The following DOCK7 variants were observed in gnomAD, a reference collection of about 807,000 sequenced individuals.
DOCK7 encodes dedicator of cytokinesis protein 7.
Under a neutral mutation model 271.0 loss-of-function variants are expected in DOCK7, and 138 were observed. The observed-to-expected ratio is 0.51, with a 90% CI of 0.44 to 0.59. The LOEUF is 0.59. Among genes scored for constraint, DOCK7 ranks in the 20% least tolerant of loss-of-function variants. The probability of loss-of-function intolerance (pLI) is 0.00; values close to 1 mark genes in which losing one functional copy is unlikely to be tolerated. For synonymous variants in DOCK7, 823 were observed against 876.1 expected (o/e 0.94, Z 1.07); for missense variants, 2,066 against 2,592.4 (o/e 0.80, Z 4.41).
In DOCK7 at chr1:62,528,187, T is replaced by C. The variant is rs956189940; in HGVS notation, c.3900A>G (p.Gln1300=). Residue 1300 remains glutamine (Q), a synonymous_variant, in exon 31 of 50, where the codon CAA becomes CAG. Coordinates refer to ENST00000635253, the MANE Select transcript of DOCK7 (RefSeq NM_001367561.1). The stretch of plus-strand genomic sequence containing the variant: ...GGAGGAAACTGCCAGGCCTTGTTAG[T>C]TGAGGGACCGATGTCCCTGCGATTG... ...AMAIAGTSVP[Q]LTRPGSFLLT... is the part of the protein sequence containing the mutation. The C allele has an allele frequency of 1.2e-6, 2 of 1,613,652 alleles. No homozygotes were observed. Among genetic ancestry groups the C allele is most frequent in the Non-Finnish European group, 1.7e-6 (2 of 1,179,760 alleles).
In DOCK7 at chr1:62,662,092, C is replaced by T. The variant is rs540881773; in HGVS notation, c.144+933G>A. Among the ~76,000 whole-genome samples, 37 of 152,282 alleles carry T rather than the reference C, an allele frequency of 2.4e-4. No homozygotes were observed. The South Asian group carries it at 7.2e-3, about 30-fold the overall frequency. On this transcript the variant is annotated intron_variant, in intron 2 of 49. Transcript: ENST00000635253. ...TTATTTCCCAGTTTGTTCAATAACA[C>T]GTACCCTTTCACAGCTAAATGGAAA...
chr1:62,600,991 G>A, intron 14 of DOCK7: 1 of 790,358 alleles, frequency 1.3e-6, no homozygotes, highest in African/African-American at 1.7e-5. Flanking sequence ...TGAACTGAAA[G>A]ACAAACTGTA....
intron 18 of DOCK7, among the ~76,000 whole-genome samples, chr1:62,564,736 C>A (rs1161152662): frequency 1.3e-5 from 2 of 152,110 alleles, no homozygotes; most frequent in Admixed American, 6.6e-5. Context: ...TCATGAAAAA[C>A]CCTTCAAAAA....
At chr1:62,498,112 T>C (rs1646675492) in intron 37 of DOCK7, among the ~76,000 whole-genome samples, 1 of 151,768 alleles carries the variant, frequency 6.6e-6, no homozygotes, top group Non-Finnish European at 1.5e-5. Flanking sequence ...GATGTAGTGG[T>C]ACATGCGTGT....
At chr1:62,469,788 C>T (rs1571204124) in intron 48 of DOCK7, among the ~76,000 whole-genome samples, 1 of 151,680 alleles carries the variant, frequency 6.6e-6, no homozygotes, top group Non-Finnish European at 1.5e-5. Flanking sequence ...AGAAGACATA[C>T]AAATGGCCAA....
chr1:62,483,191 T>G (rs1337348353), intron 43 of DOCK7: 1 of 83,306 alleles, frequency 1.2e-5, no homozygotes, highest in African/African-American at 5.4e-5. Context: ...TTTTTTTTTT[T>G]TTTTTTTTTT....
Position 62,631,369 on chromosome 1 carries a change from C to T in DOCK7, c.1153G>A (p.Asp385Asn), listed in dbSNP as rs1654605570. Residue 385 changes from aspartate (D) to asparagine (N), a missense_variant, in exon 11 of 50, where the codon GAT becomes AAT. Asp to Asn is a conservative substitution (Grantham distance 23). Transcript: ENST00000635253. ...EKLEKLKSQADQFCQRLGKYR... is the reference protein window; with the variant it reads ...EKLEKLKSQANQFCQRLGKYR... ...TTCCCAAGTCTTTGGCAAAACTGAT[C>T]TGCTTGACTCTTCAGTTTCTCCAGT... The T allele has an allele frequency of 1.2e-6, 2 of 1,607,796 alleles. No individual in the cohort carries two copies. The highest frequency in any genetic ancestry group is 1.3e-5 in the African/African-American group (1 of 74,290).
At chr1:62,456,919 G>C (rs529962661) in intron 49 of DOCK7, among the ~76,000 whole-genome samples, 59 of 152,260 alleles carry the variant, frequency 3.9e-4, no homozygotes, top group African/African-American at 1.4e-3. Flanking sequence ...TTCAATACTT[G>C]TATGTAAATT....
intron 7 of DOCK7, chr1:62,638,457 C>CTT: frequency 1.3e-5 from 2 of 151,136 alleles, no homozygotes; most frequent in Non-Finnish European, 3.0e-5. Flanking sequence ...TGTCTACTCT[C>CTT]TATCTGTAAA....
At chr1:62,573,705 C>T (rs1447768153) in intron 18 of DOCK7, among the ~76,000 whole-genome samples, 2 of 152,062 alleles carry the variant, frequency 1.3e-5, no homozygotes, top group Non-Finnish European at 1.5e-5. Context: ...ATACTTAAGG[C>T]TACAGAAATG....
chr1:62,618,653 T>C, intron 14 of DOCK7, 53 bp downstream of exon 14: 1 of 1,479,914 alleles, frequency 6.8e-7, no homozygotes, highest in South Asian at 1.2e-5. Flanking sequence ...TACTTTAATA[T>C]TTTAGAATAT....
intron 14 of DOCK7, among the ~76,000 whole-genome samples, chr1:62,611,930 A>C (rs977819699): frequency 6.6e-6 from 1 of 151,190 alleles, no homozygotes. Context: ...GGATCACCTG[A>C]GGTCAGGAGT....
intron 47 of DOCK7, 75 bp downstream of exon 47, chr1:62,475,133 A>G: frequency 1.4e-6 from 2 of 1,468,932 alleles, no homozygotes; most frequent in Non-Finnish European, 1.8e-6. Context: ...CTGACTTAAC[A>G]ATTATTTCTG....
intron 25 of DOCK7, 42 bp from the exon 26 acceptor site, chr1:62,539,934 T>C (rs1409232722): frequency 1.4e-6 from 2 of 1,396,832 alleles, no homozygotes; most frequent in East Asian, 5.0e-5. Context: ...ATGAATATAT[T>C]TAACAATTAC....
At chr1:62,535,373 G>A in intron 29 of DOCK7, 120 bp downstream of exon 29, 3 of 765,210 alleles carry the variant, frequency 3.9e-6, no homozygotes, top group Middle Eastern at 3.2e-4. Context: ...AGTGAAGAGG[G>A]AAGTAGAAAA....
intron 14 of DOCK7, among the ~76,000 whole-genome samples, chr1:62,587,398 C>T (rs1647726540): frequency 6.6e-6 from 1 of 150,460 alleles, no homozygotes; most frequent in Non-Finnish European, 1.5e-5. Context: ...TAGAACCTTG[C>T]TAATCAACTG....
intron 37 of DOCK7, among the ~76,000 whole-genome samples, chr1:62,499,933 T>C (rs1311230089): frequency 2.2e-4 from 4 of 17,798 alleles, no homozygotes; most frequent in African/African-American, 4.1e-4. Context: ...TGTAAAACTG[T>C]TCTGAAAAAA....
At chr1:62,651,504 G>GT (rs1657371571) in intron 4 of DOCK7, among the ~76,000 whole-genome samples, 2 of 89,050 alleles carry the variant, frequency 2.2e-5, no homozygotes, top group African/African-American at 6.1e-5. Context: ...GCAGACCTCT[G>GT]TAAGGGGGGA....
At chr1:62,571,892 G>A (rs1005177597) in intron 18 of DOCK7, among the ~76,000 whole-genome samples, 1 of 152,092 alleles carries the variant, frequency 6.6e-6, no homozygotes, top group Non-Finnish European at 1.5e-5. Flanking sequence ...ATACACACTG[G>A]GGCCTGTCGT....
Sources: gnomAD v4.1 joint callset for allele counts (sites outside exome capture counted in the v4.1 genomes callset) on GRCh38, gnomAD v4.1.1 for gene constraint, MANE v1.5 for transcripts, NCBI Gene and HGNC (gene_info 2026-07-23, HGNC 2026-07-21) for gene names.